The following BICD1 variants were observed in gnomAD, a reference collection of about 807,000 sequenced individuals.
BICD1 encodes BICD cargo adaptor 1, also known as protein bicaudal D homolog 1.
BICD1 carries 35 observed loss-of-function variants against 92.5 expected under a neutral mutation model. That is an observed-to-expected ratio of 0.38 (90% confidence interval 0.29 to 0.50). BICD1 has a LOEUF of 0.50. BICD1 is among the 20% of genes least tolerant of loss of function. BICD1 has a pLI of 0.93. For missense variants in BICD1, 950 were observed against 1,189.8 expected (o/e 0.80, Z 2.97); for synonymous variants, 429 against 465.1 (o/e 0.92, Z 1.00).
At chr12:32,375,050 C>A (rs1939892034) in intron 9 of BICD1, among the ~76,000 whole-genome samples, 1 of 150,178 alleles carries the variant, frequency 6.7e-6, no homozygotes, top group Non-Finnish European at 1.5e-5. Context: ...TCCGGAGTAG[C>A]TGGGACTACA....
Position 32,301,819 on chromosome 12 carries a change from GTGCT to G in BICD1, c.580-3877_580-3874del, listed in dbSNP as rs528353937. ...AAAGTAGATGGAAAAGGAACAGCCA[GTGCT>G]CACTTACAGGTGATTTTTGTGCTCT... On this transcript the variant is annotated intron_variant, in intron 3 of 9. Coordinates refer to ENST00000652176, the MANE Select transcript of BICD1 (RefSeq NM_001714.4). Among the ~76,000 whole-genome samples the G allele has an allele frequency of 1.3e-4, 20 of 152,250 alleles. 1 individual carries two copies. In the South Asian group the frequency reaches 3.5e-3, roughly 27 times the overall value.
At chr12:32,363,148 C>T (rs569153587) in intron 8 of BICD1, among the ~76,000 whole-genome samples, 2 of 152,304 alleles carry the variant, frequency 1.3e-5, no homozygotes, top group South Asian at 2.1e-4. Context: ...CTACGTGAGG[C>T]CCTTGTTTAT....
In BICD1 at chr12:32,305,867, G is replaced by T. The variant is rs767421423; in HGVS notation, c.750G>T (p.Lys250Asn). ...GAGAGCAAAAGAACAACCTGCGGAA[G>T]GAGCTCTCCCAGTATATCAGCCTCA... ...NEREQKNNLRKELSQYISLND... is the reference protein window; with the variant it reads ...NEREQKNNLRNELSQYISLND... Residue 250 changes from lysine (K) to asparagine (N), a missense_variant, in exon 4 of 10, where the codon AAG becomes AAT. Physicochemically the swap from Lys to Asn is moderately conservative, Grantham distance 94 (BLOSUM62 0). This residue lies in a region of BICD1 where 246 missense variants were observed against 258.4 expected (regional missense o/e 0.95). Transcript: ENST00000652176. 6.2e-7 allele frequency: 1 copy of T among 1,614,194 alleles called. No homozygotes were observed. Among genetic ancestry groups the T allele is most frequent in the South Asian group, 1.1e-5 (1 of 91,078 alleles).
intron 1 of BICD1, among the ~76,000 whole-genome samples, chr12:32,192,904 G>T: frequency 6.6e-6 from 1 of 152,214 alleles, no homozygotes; most frequent in East Asian, 1.9e-4. Context: ...GCAATCTGAG[G>T]ATAAAATGTG....
chr12:32,163,738 G>T (rs965509437), intron 1 of BICD1, among the ~76,000 whole-genome samples: 4 of 152,066 alleles, frequency 2.6e-5, no homozygotes, highest in African/African-American at 9.7e-5. Context: ...AATATTCCAT[G>T]TGGCCCTTTC....
rs145935325 is a variant in BICD1 at position 32,173,868 on chromosome 12, G to C, written c.214-42379G>C. ...TGGATAAATGAATGTGAACACTTTA[G>C]GAATTGCTTATTCCACAAATGATTT... On this transcript the variant is annotated intron_variant, in intron 1 of 9. Transcript: ENST00000652176. 2.0e-3 allele frequency among the ~76,000 whole-genome samples: 312 copies of C among 152,282 alleles called. 1 individual carries two copies. The highest frequency in any genetic ancestry group is 7.1e-3 in the African/African-American group (296 of 41,576).
chr12:32,257,143 G>T (rs1946740441), intron 2 of BICD1, among the ~76,000 whole-genome samples: 1 of 150,502 alleles, frequency 6.6e-6, no homozygotes, highest in Non-Finnish European at 1.5e-5. Context: ...AACCGGGGAG[G>T]CGGAGGTTGC....
chr12:32,310,902 C>T (rs1383225712), intron 4 of BICD1, among the ~76,000 whole-genome samples: 1 of 152,034 alleles, frequency 6.6e-6, no homozygotes, highest in Non-Finnish European at 1.5e-5. Flanking sequence ...AACAGTATAC[C>T]TAGTCCATAT....
intron 1 of BICD1, among the ~76,000 whole-genome samples, chr12:32,147,775 A>G (rs1943158571): frequency 6.6e-6 from 1 of 152,190 alleles, no homozygotes; most frequent in Non-Finnish European, 1.5e-5. Flanking sequence ...AAGGAAACTC[A>G]AAGAGACAGA....
At chr12:32,266,664 C>G (rs1947005586) in intron 2 of BICD1, among the ~76,000 whole-genome samples, 1 of 152,060 alleles carries the variant, frequency 6.6e-6, no homozygotes, top group Admixed American at 6.5e-5. Flanking sequence ...CGAGACCAGC[C>G]TGGCCAACAT....
chr12:32,350,249 G>A (rs376047859), intron 8 of BICD1, among the ~76,000 whole-genome samples: 1 of 152,266 alleles, frequency 6.6e-6, no homozygotes, highest in East Asian at 1.9e-4. Flanking sequence ...TTGGGAGGCC[G>A]AGGTGGGTGG....
intron 1 of BICD1, among the ~76,000 whole-genome samples, chr12:32,170,930 C>T (rs2121514435): frequency 6.6e-6 from 1 of 152,304 alleles, no homozygotes; most frequent in South Asian, 2.1e-4. Context: ...CTAGCCAATC[C>T]TGTCATTTTT....
rs1947798774 is a variant in BICD1 at position 32,294,161 on chromosome 12, A to AT, written c.579+21dup. 6.3e-7 allele frequency: 1 copy of AT among 1,579,442 alleles called. No individual in the cohort carries two copies. Among genetic ancestry groups the AT allele is most frequent in the South Asian group, 1.2e-5 (1 of 84,950 alleles). On this transcript the variant is annotated intron_variant, in intron 3 of 9. Coordinates refer to ENST00000652176, the MANE Select transcript of BICD1 (RefSeq NM_001714.4). ...AGCAGAACCAGGTAAGGTTTAAGAA[A>AT]TTTTTTGTTATACTGAAGATGGATC... is the stretch of plus-strand genomic sequence containing the variant.
chr12:32,335,213 C>T (rs962671935), intron 6 of BICD1, among the ~76,000 whole-genome samples: 4 of 151,368 alleles, frequency 2.6e-5, no homozygotes, highest in Non-Finnish European at 5.9e-5. Context: ...GGCAGTGGTG[C>T]GATCTCAGCT....
At chr12:32,250,216 CT>C (rs1321873826) in intron 2 of BICD1, among the ~76,000 whole-genome samples, 1 of 152,136 alleles carries the variant, frequency 6.6e-6, no homozygotes, top group East Asian at 1.9e-4. Context: ...TGCAGTTACA[CT>C]GTTTCCGTTC....
chr12:32,142,468 A>ATCTATCTATCTATCTATCTATCGG (rs1359344807), intron 1 of BICD1, among the ~76,000 whole-genome samples: 3,729 of 116,892 alleles, frequency 0.032, 187 homozygotes, highest in African/African-American at 0.1. Context: ...CTATCTATCT[A>ATCTATCTATCTATCTATCTATCGG]TCTATCTATC....
At chr12:32,318,345 C>T (rs1465870202) in intron 4 of BICD1, among the ~76,000 whole-genome samples, 10 of 152,194 alleles carry the variant, frequency 6.6e-5, no homozygotes, top group Non-Finnish European at 1.3e-4. Context: ...TACCCATGAG[C>T]ATGGAATGTT....
chr12:32,198,700 C>T (rs1350046806), intron 1 of BICD1, among the ~76,000 whole-genome samples: 1 of 151,980 alleles, frequency 6.6e-6, no homozygotes, highest in Non-Finnish European at 1.5e-5. Context: ...CCTCTCTCCT[C>T]CTGCCGTCAA....
At chr12:32,129,650 A>G (rs1054045525) in intron 1 of BICD1, among the ~76,000 whole-genome samples, 6 of 151,984 alleles carry the variant, frequency 3.9e-5, no homozygotes, top group Admixed American at 2.0e-4. Flanking sequence ...GATTATAGAC[A>G]TGAGCCACCG....
Sources: allele counts gnomAD v4.1 joint callset (sites outside exome capture counted in the v4.1 genomes callset), GRCh38; gene constraint gnomAD v4.1.1; regional missense constraint gnomAD v4.1.1; transcripts MANE v1.5; gene names NCBI Gene and HGNC (gene_info 2026-07-23, HGNC 2026-07-21).